The following GLCCI1 variants were observed in gnomAD, a reference collection of about 807,000 sequenced individuals.
The protein encoded by GLCCI1 is glucocorticoid induced 1, also known as glucocorticoid-induced transcript 1 protein.
Under a neutral mutation model 52.2 loss-of-function variants are expected in GLCCI1, and 24 were observed. That is an observed-to-expected ratio of 0.46 (90% confidence interval 0.33 to 0.65). GLCCI1 has a LOEUF of 0.65. Ranked by LOEUF, GLCCI1 falls within the 30% of genes least tolerant of loss-of-function variation. The pLI is 0.02. For missense variants in GLCCI1, 704 were observed against 701.5 expected (o/e 1.00, Z -0.04); for synonymous variants, 310 against 276.5 (o/e 1.12, Z -1.20).
intron 3 of GLCCI1, among the ~76,000 whole-genome samples, chr7:8,046,966 T>C (rs1172670158): frequency 6.6e-5 from 10 of 151,910 alleles, no homozygotes; most frequent in Admixed American, 6.6e-4. Context: ...TGTCTTCAGA[T>C]TGAAAAAGTT....
At position 8,042,793 on chromosome 7, in the gene GLCCI1, G is replaced by A. The variant is rs538530404; in HGVS notation, c.697-12640G>A. On this transcript the variant is annotated intron_variant, in intron 3 of 7. Coordinates refer to ENST00000223145, the MANE Select transcript of GLCCI1 (RefSeq NM_138426.4). ...AAGAAGCTGTGAACATTGTTGAAAT[G>A]ATAACAAAAGATTTAGAATATTACA... 3.9e-4 allele frequency among the ~76,000 whole-genome samples: 60 copies of A among 152,320 alleles called. No homozygotes were observed. In the South Asian group the frequency reaches 0.012, roughly 29 times the overall value.
chr7:7,980,998 C>T (rs989298223), intron 1 of GLCCI1: 27 of 540,638 alleles, frequency 5.0e-5, no homozygotes, highest in South Asian at 1.8e-4. Flanking sequence ...TCATTTCAAA[C>T]GAAGGTCAGC....
At chr7:8,006,282 G>A (rs1781147519) in intron 2 of GLCCI1, among the ~76,000 whole-genome samples, 1 of 152,192 alleles carries the variant, frequency 6.6e-6, no homozygotes, top group Non-Finnish European at 1.5e-5. Context: ...GGTGATTAAG[G>A]ACCACATTTA....
intron 3 of GLCCI1, among the ~76,000 whole-genome samples, chr7:8,049,215 T>C (rs1351556586): frequency 6.6e-6 from 1 of 152,124 alleles, no homozygotes; most frequent in Non-Finnish European, 1.5e-5. Flanking sequence ...TGAGTATTAT[T>C]GATAGGGTCT....
In GLCCI1 at chr7:7,969,325, C is replaced by A. The variant is rs751579863; in HGVS notation, c.-26C>A. On this transcript the variant is annotated 5_prime_UTR_variant, in exon 1 of 8. Transcript: ENST00000223145. This position sits in a 1 kb window ranked among gnomAD's most constrained non-coding sequence, Gnocchi z 4.9. ...CGCCCCGCGCCTCCGTGTCGGCCGGCGGCGTCCAGGGCCCGCAGAGCCACC... is the reference window on the plus strand; with the variant it reads ...CGCCCCGCGCCTCCGTGTCGGCCGGAGGCGTCCAGGGCCCGCAGAGCCACC... 1 of 1,427,042 alleles carries A rather than the reference C, an allele frequency of 7.0e-7. No individual in the cohort carries two copies. Among genetic ancestry groups the A allele is most frequent in the Middle Eastern group, 2.3e-4 (1 of 4,378 alleles). 88.4% of individuals were successfully genotyped at this position (1,427,042 alleles called of 1,614,324 possible).
intron 1 of GLCCI1, among the ~76,000 whole-genome samples, chr7:7,987,092 A>C (rs1466409345): frequency 1.3e-5 from 2 of 152,054 alleles, no homozygotes; most frequent in East Asian, 3.9e-4. Context: ...AAACAAAAAA[A>C]CCCCACAAAA....
intron 3 of GLCCI1, among the ~76,000 whole-genome samples, chr7:8,050,062 G>A (rs1782223349): frequency 6.6e-6 from 1 of 152,096 alleles, no homozygotes; most frequent in South Asian, 2.1e-4. Flanking sequence ...ATCTGTAGAG[G>A]TGAATCTGGG....
chr7:8,032,503 C>T (rs1037661417), intron 3 of GLCCI1, among the ~76,000 whole-genome samples: 2 of 152,034 alleles, frequency 1.3e-5, no homozygotes, highest in African/African-American at 2.4e-5. Flanking sequence ...CATTTAGCTA[C>T]ACTGACTAGA....
At chr7:8,050,845 C>A (rs967753304) in intron 3 of GLCCI1, among the ~76,000 whole-genome samples, 1 of 152,100 alleles carries the variant, frequency 6.6e-6, no homozygotes, top group Non-Finnish European at 1.5e-5. Flanking sequence ...TTTTTTTAAC[C>A]TTTCTACCTG....
At chr7:8,067,965 C>T (rs1388676365) in intron 5 of GLCCI1, among the ~76,000 whole-genome samples, 1 of 152,100 alleles carries the variant, frequency 6.6e-6, no homozygotes, top group Non-Finnish European at 1.5e-5. Context: ...CTTGCTTTCT[C>T]CTCATCATTT....
chr7:8,002,758 C>T (rs38010), intron 1 of GLCCI1, among the ~76,000 whole-genome samples: 76,258 of 152,046 alleles, frequency 0.5, 19,880 homozygotes, highest in African/African-American at 0.64. Flanking sequence ...GATTCTATCA[C>T]AGAATGCACA....
At chr7:8,048,224 GT>G (rs1782178082) in intron 3 of GLCCI1, among the ~76,000 whole-genome samples, 1 of 152,030 alleles carries the variant, frequency 6.6e-6, no homozygotes, top group South Asian at 2.1e-4. Flanking sequence ...CTTACCTACA[GT>G]TATTTCTGGG....
chr7:7,992,783 T>A (rs1780868398), intron 1 of GLCCI1, among the ~76,000 whole-genome samples: 1 of 152,134 alleles, frequency 6.6e-6, no homozygotes, highest in African/African-American at 2.4e-5. Flanking sequence ...ATTCTGTAGT[T>A]TTTTTCTTAC....
At chr7:8,074,862 G>A (rs191049468) in intron 6 of GLCCI1, among the ~76,000 whole-genome samples, 2 of 152,112 alleles carry the variant, frequency 1.3e-5, no homozygotes, top group African/African-American at 2.4e-5. Flanking sequence ...TTGATTTGGA[G>A]TACCTACATG....
At chr7:8,036,245 A>G (rs1485298089) in intron 3 of GLCCI1, among the ~76,000 whole-genome samples, 1 of 152,210 alleles carries the variant, frequency 6.6e-6, no homozygotes, top group African/African-American at 2.4e-5. Context: ...CATGCCCAGT[A>G]CATCACTTCT....
At chr7:8,069,029 C>T (rs1282681897) in intron 5 of GLCCI1, among the ~76,000 whole-genome samples, 3 of 152,222 alleles carry the variant, frequency 2.0e-5, no homozygotes, top group Non-Finnish European at 4.4e-5. Flanking sequence ...GCTGCGCTCC[C>T]TGTCAGTGCT....
At chr7:7,990,483 G>C in intron 1 of GLCCI1, among the ~76,000 whole-genome samples, 1 of 152,042 alleles carries the variant, frequency 6.6e-6, no homozygotes, top group East Asian at 1.9e-4. Context: ...CCCTACACTT[G>C]TTTATGCTGC....
chr7:8,064,242 T>C (rs1224026440), intron 5 of GLCCI1, among the ~76,000 whole-genome samples: 1 of 152,218 alleles, frequency 6.6e-6, no homozygotes, highest in Non-Finnish European at 1.5e-5. Flanking sequence ...TCAGGTTTTA[T>C]ATTTAAGTCT....
At chr7:8,006,040 C>T (rs1291807505) in intron 2 of GLCCI1, among the ~76,000 whole-genome samples, 3 of 152,160 alleles carry the variant, frequency 2.0e-5, no homozygotes, top group Non-Finnish European at 4.4e-5. Context: ...AAAGGTGACC[C>T]ACCTGTCTTA....
Sources: gnomAD v4.1 joint callset for allele counts (sites outside exome capture counted in the v4.1 genomes callset) on GRCh38, gnomAD v4.1.1 for gene constraint, Gnocchi (gnomAD v3.1) non-coding constraint, MANE v1.5 for transcripts, NCBI Gene and HGNC (gene_info 2026-07-23, HGNC 2026-07-21) for gene names.